Variants in EBF4 observed in about 807,000 individuals in gnomAD.
EBF4 encodes the protein EBF transcription factor 4.
EBF4 carries 34 observed loss-of-function variants against 67.1 expected under a neutral mutation model. The ratio of observed to expected loss-of-function variants is 0.51; its 90% confidence interval spans 0.39 to 0.67. The LOEUF is 0.67. EBF4 is among the 30% of genes least tolerant of loss of function. The probability of loss-of-function intolerance (pLI) is 0.00; values close to 1 mark genes in which losing one functional copy is unlikely to be tolerated. For missense variants in EBF4, 837 were observed against 873.3 expected, an observed-to-expected ratio of 0.96 and a Z score of 0.52; for synonymous variants, 387 against 377.7, an observed-to-expected ratio of 1.02 and a Z score of -0.29.
chr20:2,755,437 G>C lies in EBF4; in HGVS notation c.1541-190G>C. Reference sequence around the variant, plus strand: ...CCTGTCATCCCCAGCCCCGAGAAAAGGTCTCCAGAACCGCTGAGAGGTCAG... The same window carrying C: ...CCTGTCATCCCCAGCCCCGAGAAAACGTCTCCAGAACCGCTGAGAGGTCAG... On this transcript the variant is annotated intron_variant, in intron 14 of 16. Transcript: ENST00000609451. This position sits in a 1 kb window ranked among gnomAD's most constrained non-coding sequence, Gnocchi z 4.7. The C allele has an allele frequency of 1.7e-6, 1 of 573,900 alleles. No homozygotes were observed. The highest frequency in any genetic ancestry group is 3.1e-6 in the Non-Finnish European group (1 of 322,460). 35.6% of individuals were successfully genotyped at this position (573,900 alleles called of 1,614,324 possible). A position where few individuals can be genotyped will look rare whatever the true frequency, so the allele number is the denominator to read the frequency against.
chr20:2,706,397 C>A (rs2087459868), intron 4 of EBF4, 133 bp downstream of exon 4: 6 of 1,012,084 alleles, frequency 5.9e-6, no homozygotes, highest in South Asian at 4.4e-5. Flanking sequence ...CTAGCTCCCC[C>A]AGTTCCCACC....
At chr20:2,752,164 C>A in exon 13 of EBF4, 1 of 1,446,062 alleles carries the variant, frequency 6.9e-7, no homozygotes, top group Non-Finnish European at 9.1e-7. Flanking sequence ...GCTCGCACCC[C>A]TGGCCCCGAG....
intron 6 of EBF4, among the ~76,000 whole-genome samples, chr20:2,723,698 A>G (rs1032551875): frequency 3.3e-5 from 5 of 152,122 alleles, no homozygotes; most frequent in South Asian, 2.1e-4. Flanking sequence ...AATCTAGTCT[A>G]TTTTTTAACT....
At chr20:2,719,097 T>G (rs928569711) in intron 6 of EBF4, among the ~76,000 whole-genome samples, 1 of 152,110 alleles carries the variant, frequency 6.6e-6, no homozygotes, top group East Asian at 1.9e-4. Flanking sequence ...TTGTTTTATT[T>G]ACTTATTTAT....
chr20:2,752,569 G>T, intron 14 of EBF4, 24 bp downstream of exon 14: 1 of 1,233,304 alleles, frequency 8.1e-7, no homozygotes. Flanking sequence ...GCCCGCGAGG[G>T]AAGGTCTGGG....
rs2088172484 is a variant in EBF4 at position 2,752,561 on chromosome 20, C to T, written c.1540+16C>T. The T allele has an allele frequency of 1.6e-5, 20 of 1,235,240 alleles. No homozygotes were observed. The highest frequency in any genetic ancestry group is 3.9e-5 in the South Asian group (1 of 25,928). 76.5% of individuals were successfully genotyped at this position (1,235,240 alleles called of 1,614,324 possible). ...CCCTTCGCCAGTGAGTGTCCCCCGCCCGCGAGGGAAGGTCTGGGGCCGGGG... is the reference window on the plus strand; with the variant it reads ...CCCTTCGCCAGTGAGTGTCCCCCGCTCGCGAGGGAAGGTCTGGGGCCGGGG... On this transcript the variant is annotated intron_variant, in intron 14 of 16. Transcript: ENST00000609451.
At chr20:2,753,837 G>A (rs2088195382) in intron 14 of EBF4, among the ~76,000 whole-genome samples, 1 of 152,192 alleles carries the variant, frequency 6.6e-6, no homozygotes, top group Non-Finnish European at 1.5e-5. Flanking sequence ...GTCCACATAG[G>A]CCATGGCCTT....
intron 1 of EBF4, among the ~76,000 whole-genome samples, chr20:2,702,342 C>T (rs2087388333): frequency 6.6e-6 from 1 of 151,766 alleles, no homozygotes; most frequent in African/African-American, 2.4e-5. Context: ...GTGGGAGGAT[C>T]ACGTGAGCCT....
In EBF4 at chr20:2,693,939, T is replaced by C. The variant is rs2146353047; in HGVS notation, c.137+157T>C. Among the ~76,000 whole-genome samples the C allele has an allele frequency of 6.6e-6, 1 of 152,244 alleles. No individual in the cohort carries two copies. The highest frequency in any genetic ancestry group is 2.1e-4 in the South Asian group (1 of 4,828). On this transcript the variant is annotated intron_variant, in intron 1 of 16. Transcript: ENST00000609451. The surrounding 1 kb of genome is among the most constrained non-coding windows in gnomAD (Gnocchi z 4.6). ...CCCACCCCGTCCGGAGTGCCTGTGCTGCCTCCTGAGGCTGTGGGGCGGGCT... is the reference window on the plus strand; with the variant it reads ...CCCACCCCGTCCGGAGTGCCTGTGCCGCCTCCTGAGGCTGTGGGGCGGGCT...
At chr20:2,722,668 A>G (rs534604152) in intron 6 of EBF4, among the ~76,000 whole-genome samples, 2 of 152,316 alleles carry the variant, frequency 1.3e-5, no homozygotes, top group Admixed American at 1.3e-4. Context: ...ATGCTGGGAT[A>G]TTTGTAAGGT....
chr20:2,705,764 G>A, intron 2 of EBF4, 31 bp downstream of exon 2: 1 of 1,525,616 alleles, frequency 6.6e-7, no homozygotes. Context: ...GCTGGGACTG[G>A]CCCCGGGAGG....
chr20:2,712,555 A>T (rs1341289588), intron 6 of EBF4, among the ~76,000 whole-genome samples: 2 of 152,230 alleles, frequency 1.3e-5, no homozygotes, highest in African/African-American at 4.8e-5. Flanking sequence ...TATGTTTATG[A>T]TGCTCACTAA....
At chr20:2,710,104 T>C (rs2087521517) in intron 6 of EBF4, among the ~76,000 whole-genome samples, 1 of 152,178 alleles carries the variant, frequency 6.6e-6, no homozygotes, top group Non-Finnish European at 1.5e-5. Context: ...CATAGAATTG[T>C]CGAGGTGATG....
intron 1 of EBF4, among the ~76,000 whole-genome samples, chr20:2,695,053 C>A (rs560389642): frequency 3.3e-4 from 50 of 152,056 alleles, no homozygotes; most frequent in Middle Eastern, 3.4e-3. Context: ...ATTTTTCTTC[C>A]CATTAACTTG....
At chr20:2,722,227 G>C (rs1296898285) in intron 6 of EBF4, among the ~76,000 whole-genome samples, 1 of 151,932 alleles carries the variant, frequency 6.6e-6, no homozygotes, top group Non-Finnish European at 1.5e-5. Flanking sequence ...TTTCTTAGAT[G>C]GTCCACAGAG....
At chr20:2,750,443 A>C (rs1002731977) in intron 10 of EBF4, among the ~76,000 whole-genome samples, 13 of 151,638 alleles carry the variant, frequency 8.6e-5, no homozygotes, top group African/African-American at 2.9e-4. Context: ...GTACATACAC[A>C]CCCCTTGCAC....
rs185156606 is a variant in EBF4, at chr20:2,709,754, G to A, written c.557+112G>A. On this transcript the variant is annotated intron_variant, in intron 6 of 16. Coordinates refer to ENST00000609451, the Ensembl canonical transcript of EBF4. ...GGAGGAGCGGAGCAGCCCCCCCGGGGCACCAGGTTGGGTGGCTCTGAGCAG... is the reference window on the plus strand; with the variant it reads ...GGAGGAGCGGAGCAGCCCCCCCGGGACACCAGGTTGGGTGGCTCTGAGCAG... The A allele has an allele frequency of 5.4e-3, 6,148 of 1,141,872 alleles. 20 individuals carry two copies. The highest frequency in any genetic ancestry group is 6.5e-3 in the Non-Finnish European group (5,662 of 865,890). The allele number at this position is 1,141,872 out of a possible 1,614,324, so 70.7% of individuals were successfully genotyped here. A position where few individuals can be genotyped will look rare whatever the true frequency, so the allele number is the denominator to read the frequency against.
chr20:2,705,616 T>A, exon 2 of EBF4: 1 of 1,553,224 alleles, frequency 6.4e-7, no homozygotes, highest in Non-Finnish European at 8.7e-7. Context: ...AGAAGCAGCC[T>A]CCCTCCAACC....
At chr20:2,754,170 T>C (rs2088201218) in intron 14 of EBF4, among the ~76,000 whole-genome samples, 1 of 152,150 alleles carries the variant, frequency 6.6e-6, no homozygotes, top group African/African-American at 2.4e-5. Flanking sequence ...CATGATATTG[T>C]CTTGACCGAG....
Sources: allele counts gnomAD v4.1 joint callset (sites outside exome capture counted in the v4.1 genomes callset), GRCh38; gene constraint gnomAD v4.1.1; non-coding constraint Gnocchi (gnomAD v3.1); transcripts MANE v1.5; gene names NCBI Gene and HGNC (gene_info 2026-07-23, HGNC 2026-07-21).